The following KDM6A variants were observed in gnomAD, a reference collection of about 807,000 sequenced individuals.
The protein encoded by KDM6A is lysine-specific demethylase 6A.
Under a neutral mutation model 117.6 loss-of-function variants are expected in KDM6A, and 11 were observed. That is an observed-to-expected ratio of 0.09 (90% CI 0.06 to 0.15). The LOEUF (loss-of-function observed/expected upper bound fraction) is 0.15. Ranked by LOEUF, KDM6A falls within the 10% of genes least tolerant of loss-of-function variation. The pLI is 1.00. For missense variants in KDM6A, 799 were observed against 1,077.3 expected (o/e 0.74, Z 3.62); for synonymous variants, 384 against 396.1 (o/e 0.97, Z 0.36).
intron 4 of KDM6A, among the ~76,000 whole-genome samples, chrX:45,004,047 G>A (rs2041307502): frequency 9.1e-6 from 1 of 110,321 alleles, no homozygotes; most frequent in South Asian, 3.8e-4. Context: ...CAGAGCCCCT[G>A]ACCTCCCTAT....
Position 45,069,962 on chromosome X carries a change from A to C in KDM6A, c.2463A>C (p.Ser821=). 1 of 1,211,891 alleles carries C rather than the reference A, an allele frequency of 8.3e-7. No individual in the cohort carries two copies. The highest frequency in any genetic ancestry group is 1.1e-6 in the Non-Finnish European group (1 of 895,538). The change falls in exon 18 of 30, where the codon TCA becomes TCC. Residue 821 remains serine (S), a synonymous_variant. Transcript: ENST00000611820. ...GTCCTAGCCATGGAGATTCTAAGTC[A>C]CCAGGTTTACTAAGTTCAGACAATC... ...VCSPSHGDSK[S]PGLLSSDNPQ...
chrX:45,075,163 A>C (rs1022903352), intron 18 of KDM6A, among the ~76,000 whole-genome samples: 4 of 111,999 alleles, frequency 3.6e-5, no homozygotes, highest in African/African-American at 9.7e-5. Context: ...AGTGGCAGAT[A>C]CACAATTCAG....
At position 44,873,700 on chromosome X, in the gene KDM6A, G is replaced by A. The variant is rs923984398; in HGVS notation, c.149G>A (p.Gly50Asp). ...SLTAEEREAL[G>D]GLDSRLFGFV... Reference sequence around the variant, plus strand: ...ACAGCCGAGGAGAGGGAGGCGCTCGGCGGACTGGACAGGTACGGGCCGCCG... The same window carrying A: ...ACAGCCGAGGAGAGGGAGGCGCTCGACGGACTGGACAGGTACGGGCCGCCG... The change falls in exon 1 of 30, where the codon GGC becomes GAC. Residue 50 changes from glycine (G) to aspartate (D), a missense_variant. This residue lies in a region of KDM6A where 89 missense variants were observed against 117.8 expected (regional missense o/e 0.76). Transcript: ENST00000611820. The A allele has an allele frequency of 4.3e-6, 5 of 1,170,995 alleles. No individual in the cohort carries two copies. The African/African-American group carries it at 8.9e-5, about 21-fold the overall frequency.
At chrX:45,061,294 T>C (rs1472559038) in intron 14 of KDM6A, 30 bp from the exon 15 acceptor site, 5 of 913,368 alleles carry the variant, frequency 5.5e-6, no homozygotes, top group East Asian at 3.3e-5. Context: ...AAATATTCTT[T>C]AATTTTTTTT....
At chrX:44,939,804 A>G (rs760330759) in intron 2 of KDM6A, among the ~76,000 whole-genome samples, 1 of 112,152 alleles carries the variant, frequency 8.9e-6, no homozygotes, top group South Asian at 3.7e-4. Context: ...AGCTATGAAC[A>G]TTGAGTCAGG....
chrX:44,873,502 C>G lies in KDM6A; in HGVS notation c.-50C>G, dbSNP rs768056637. On this transcript the variant is annotated 5_prime_UTR_variant, in exon 1 of 30. Transcript: ENST00000611820. ...AGATTGGGGGCGTCACTGCGGGCCC[C>G]GGTCCGAGGGGGGGTGTCGGCGTTG... 1.0e-4 allele frequency: 121 copies of G among 1,204,396 alleles called. No individual in the cohort carries two copies. The African/African-American group carries it at 1.9e-3, about 19-fold the overall frequency.
At chrX:45,041,201 G>A (rs1179611854) in intron 8 of KDM6A, among the ~76,000 whole-genome samples, 3 of 84,316 alleles carry the variant, frequency 3.6e-5, no homozygotes, top group African/African-American at 5.6e-5. Context: ...CCTCCCGGAC[G>A]GGGCGGCTGG....
chrX:45,018,411 TG>T (rs987010982), intron 5 of KDM6A, among the ~76,000 whole-genome samples: 1 of 111,770 alleles, frequency 8.9e-6, no homozygotes, highest in African/African-American at 3.2e-5. Context: ...ATGTGTTTTT[TG>T]CTTATAGATT....
At chrX:45,066,882 C>T (rs952314571) in intron 17 of KDM6A, among the ~76,000 whole-genome samples, 16 of 112,021 alleles carry the variant, frequency 1.4e-4, no homozygotes, top group African/African-American at 4.9e-4. Context: ...CTTCACACGC[C>T]CTTCAAAGCC....
intron 7 of KDM6A, among the ~76,000 whole-genome samples, chrX:45,035,749 G>T (rs1263238951): frequency 1.8e-5 from 2 of 109,304 alleles, no homozygotes. Context: ...GCCCAGGCTG[G>T]AGTGCAGTGG....
chrX:44,979,988 T>C (rs765920215), intron 4 of KDM6A, among the ~76,000 whole-genome samples: 1 of 94,378 alleles, frequency 1.1e-5, no homozygotes, highest in African/African-American at 3.8e-5. Context: ...TTTTTTTCTT[T>C]CTTTCTTTCC....
At chrX:44,878,604 A>G (rs1322795146) in intron 2 of KDM6A, among the ~76,000 whole-genome samples, 1 of 112,195 alleles carries the variant, frequency 8.9e-6, no homozygotes, top group African/African-American at 3.2e-5. Flanking sequence ...AACTGCAGCA[A>G]TACATAAACA....
intron 6 of KDM6A, among the ~76,000 whole-genome samples, chrX:45,030,753 A>G (rs2147748257): frequency 1.8e-5 from 2 of 111,317 alleles, no homozygotes; most frequent in East Asian, 5.6e-4. Context: ...TCTGTCGCCC[A>G]TGCTGGAGTG....
At chrX:45,109,018 T>C (rs1027332022) in intron 28 of KDM6A, among the ~76,000 whole-genome samples, 6 of 102,103 alleles carry the variant, frequency 5.9e-5, no homozygotes, top group African/African-American at 2.1e-4. Context: ...TACCTAATGC[T>C]AGATGATGAG....
At chrX:45,027,307 TAC>T (rs374328149) in intron 6 of KDM6A, among the ~76,000 whole-genome samples, 12 of 96,054 alleles carry the variant, frequency 1.2e-4, no homozygotes, top group African/African-American at 2.8e-4. Context: ...GAGACACACA[TAC>T]ACACACACAC....
chrX:44,979,602 CT>C lies in KDM6A; in HGVS notation c.384+4896del, dbSNP rs755523565. Among the ~76,000 whole-genome samples the C allele has an allele frequency of 5.5e-4, 61 of 110,273 alleles. No individual in the cohort carries two copies. In the South Asian group the frequency reaches 0.021, roughly 38 times the overall value. ...TGTTTCAATGAGGTCCATTTAATTA[CT>C]TTTTTTTTCTTTTACAGTTTGTGCT... On this transcript the variant is annotated intron_variant, in intron 4 of 29. Transcript: ENST00000611820.
intron 2 of KDM6A, among the ~76,000 whole-genome samples, chrX:44,956,833 A>G (rs916172172): frequency 4.5e-5 from 5 of 111,365 alleles, no homozygotes; most frequent in Non-Finnish European, 7.5e-5. Flanking sequence ...TGGCTTTTTA[A>G]AAATTACGGG....
chrX:44,995,743 C>T (rs2040835538), intron 4 of KDM6A, among the ~76,000 whole-genome samples: 1 of 111,829 alleles, frequency 8.9e-6, no homozygotes, highest in African/African-American at 3.3e-5. Context: ...GTTGGGATTA[C>T]AGGTGTGAGC....
At chrX:45,105,016 T>C (rs772814468) in intron 27 of KDM6A, among the ~76,000 whole-genome samples, 23 of 111,608 alleles carry the variant, frequency 2.1e-4, no homozygotes, top group African/African-American at 7.2e-4. Flanking sequence ...GCATTGAAGA[T>C]GAAAATTTAT....
Sources: allele counts gnomAD v4.1 joint callset (sites outside exome capture counted in the v4.1 genomes callset), GRCh38; gene constraint gnomAD v4.1.1; regional missense constraint gnomAD v4.1.1; transcripts MANE v1.5; gene names NCBI Gene and HGNC (gene_info 2026-07-23, HGNC 2026-07-21).